DOCK1: variants seen among roughly 807,000 people sequenced by gnomAD.
The protein encoded by DOCK1 is dedicator of cytokinesis protein 1.
DOCK1 carries 138 observed loss-of-function variants against 262.7 expected under a neutral mutation model. The observed-to-expected ratio is 0.53, with a 90% CI of 0.46 to 0.61. The LOEUF (loss-of-function observed/expected upper bound fraction) is 0.61. DOCK1 is among the 20% of genes least tolerant of loss of function. The pLI is 0.00. For missense variants in DOCK1, 1,908 were observed against 2,370.7 expected (o/e 0.80, Z 4.05); for synonymous variants, 866 against 867.4 (o/e 1.00, Z 0.03).
intron 29 of DOCK1, among the ~76,000 whole-genome samples, chr10:127,334,822 C>T (rs1484295301): frequency 6.6e-6 from 1 of 152,124 alleles, no homozygotes; most frequent in Non-Finnish European, 1.5e-5. Flanking sequence ...CAGAATAAGA[C>T]ATAATTTGTG....
chr10:127,181,140 A>T (rs969255953), intron 27 of DOCK1, among the ~76,000 whole-genome samples: 3 of 152,250 alleles, frequency 2.0e-5, no homozygotes, highest in Non-Finnish European at 4.4e-5. Context: ...GCCCTGATAA[A>T]GAATGAAAAT....
chr10:127,420,998 C>T (rs1383079616), intron 46 of DOCK1, among the ~76,000 whole-genome samples: 1 of 151,838 alleles, frequency 6.6e-6, no homozygotes, highest in Non-Finnish European at 1.5e-5. Context: ...CTTACTGCAA[C>T]CTCCTCCTCC....
At chr10:127,449,095 G>C (rs969368359) in intron 51 of DOCK1, among the ~76,000 whole-genome samples, 1 of 152,154 alleles carries the variant, frequency 6.6e-6, no homozygotes, top group African/African-American at 2.4e-5. Context: ...ATGGGGAACC[G>C]GTCCTGGAGG....
At chr10:127,122,629 A>T (rs1481242144) in intron 25 of DOCK1, among the ~76,000 whole-genome samples, 2 of 144,720 alleles carry the variant, frequency 1.4e-5, no homozygotes, top group Admixed American at 6.9e-5. Context: ...GGTTATAACA[A>T]TTTTTTTTTT....
intron 1 of DOCK1, among the ~76,000 whole-genome samples, chr10:126,937,814 A>G (rs36133324): frequency 0.1 from 15,565 of 152,092 alleles, 964 homozygotes; most frequent in Admixed American, 0.18. Flanking sequence ...TACTCTGTTG[A>G]TAGTCTCCTT....
chr10:127,209,115 G>T (rs931970399), intron 27 of DOCK1, among the ~76,000 whole-genome samples: 3 of 152,116 alleles, frequency 2.0e-5, no homozygotes, highest in African/African-American at 7.2e-5. Context: ...AAATTTATTT[G>T]ATGATCCAGA....
In DOCK1 at chr10:127,212,116, C is replaced by T. The variant is rs371681202; in HGVS notation, c.2848-35892C>T. 3.3e-5 allele frequency among the ~76,000 whole-genome samples: 5 copies of T among 152,298 alleles called. No individual in the cohort carries two copies. The South Asian group carries it at 1.0e-3, about 32-fold the overall frequency. On this transcript the variant is annotated intron_variant, in intron 27 of 51. Coordinates refer to ENST00000623213, the MANE Select transcript of DOCK1 (RefSeq NM_001290223.2). ...GTGTGTCATTCCAGCTCTGTGCATCCTTTCAATGACTCCGAGGATGATATC... is the reference window on the plus strand; with the variant it reads ...GTGTGTCATTCCAGCTCTGTGCATCTTTTCAATGACTCCGAGGATGATATC...
chr10:127,187,795 C>CAA (rs1306958755), intron 27 of DOCK1, among the ~76,000 whole-genome samples: 1 of 152,028 alleles, frequency 6.6e-6, no homozygotes, highest in African/African-American at 2.4e-5. Context: ...AGCAAGCAAG[C>CAA]AAGCAAAAGC....
chr10:126,929,570 C>T (rs929325747), intron 1 of DOCK1, among the ~76,000 whole-genome samples: 14 of 152,032 alleles, frequency 9.2e-5, no homozygotes, highest in East Asian at 1.9e-4. Flanking sequence ...AGAGGGAGAG[C>T]GGCAGACTGG....
chr10:127,416,637 C>G (rs1051190557), intron 44 of DOCK1, among the ~76,000 whole-genome samples: 6 of 152,228 alleles, frequency 3.9e-5, no homozygotes, highest in Non-Finnish European at 7.3e-5. Context: ...CTCGTGCCAC[C>G]TGGGACCAAC....
At chr10:127,299,140 T>C (rs990130778) in intron 29 of DOCK1, among the ~76,000 whole-genome samples, 1 of 152,194 alleles carries the variant, frequency 6.6e-6, no homozygotes, top group Admixed American at 6.5e-5. Flanking sequence ...GCTCTGTCAC[T>C]CAGGCTGGAG....
chr10:127,413,474 C>T (rs2134416959), intron 43 of DOCK1, among the ~76,000 whole-genome samples: 1 of 152,350 alleles, frequency 6.6e-6, no homozygotes, highest in Admixed American at 6.5e-5. Flanking sequence ...AGCGGGGAGC[C>T]TGGCTCCAAG....
intron 25 of DOCK1, among the ~76,000 whole-genome samples, chr10:127,122,004 A>G (rs558396926): frequency 2.0e-5 from 3 of 152,296 alleles, no homozygotes; most frequent in Non-Finnish European, 2.9e-5. Flanking sequence ...TCTTATGGAG[A>G]TTGCATATCA....
intron 27 of DOCK1, among the ~76,000 whole-genome samples, chr10:127,201,954 C>T (rs187617856): frequency 3.3e-5 from 5 of 152,288 alleles, no homozygotes; most frequent in Admixed American, 2.0e-4. Flanking sequence ...CCACCAGTCT[C>T]ATTGAGCCTG....
At chr10:127,277,087 G>A (rs563124944) in intron 29 of DOCK1, among the ~76,000 whole-genome samples, 19 of 152,272 alleles carry the variant, frequency 1.2e-4, no homozygotes, top group African/African-American at 4.6e-4. Flanking sequence ...GCCTCTATAT[G>A]GAGAACTGAG....
At chr10:126,967,334 C>T (rs1000026561) in intron 1 of DOCK1, among the ~76,000 whole-genome samples, 2 of 152,116 alleles carry the variant, frequency 1.3e-5, no homozygotes, top group Admixed American at 6.6e-5. Flanking sequence ...CTTTTGGATT[C>T]ATTTAAAAAA....
At chr10:126,986,904 C>T (rs942324191) in intron 4 of DOCK1, among the ~76,000 whole-genome samples, 4 of 151,868 alleles carry the variant, frequency 2.6e-5, no homozygotes, top group African/African-American at 7.3e-5. Flanking sequence ...AGCGAGACAC[C>T]GTTTCAAAAA....
intron 29 of DOCK1, among the ~76,000 whole-genome samples, chr10:127,258,765 C>G (rs921450540): frequency 1.3e-5 from 2 of 152,244 alleles, no homozygotes; most frequent in African/African-American, 2.4e-5. Context: ...GTAAGTGATT[C>G]GGTTGCTCCG....
chr10:127,212,156 G>A (rs1317643307), intron 27 of DOCK1, among the ~76,000 whole-genome samples: 2 of 152,120 alleles, frequency 1.3e-5, no homozygotes, highest in African/African-American at 2.4e-5. Context: ...CGGAAGCAGA[G>A]TTATTTAACC....
Sources: gnomAD v4.1 joint callset for allele counts (sites outside exome capture counted in the v4.1 genomes callset) on GRCh38, gnomAD v4.1.1 for gene constraint, MANE v1.5 for transcripts, NCBI Gene and HGNC (gene_info 2026-07-23, HGNC 2026-07-21) for gene names.